HEMK2: variants seen among roughly 807,000 people sequenced by gnomAD.
HEMK2 encodes the protein HemK methyltransferase 2, ETF1 glutamine and histone H4 lysine, also known as methyltransferase HEMK2.
chr21:28,786,880 C>A, the HEMK2 span, among the ~76,000 whole-genome samples: 1 of 152,096 alleles, frequency 6.6e-6, no homozygotes, highest in African/African-American at 2.4e-5. Context: ...TCAATGCAAT[C>A]TCCATCAAAA....
chr21:28,841,370 A>ATATTATATATAATATAT, the HEMK2 span, among the ~76,000 whole-genome samples: 3 of 33,146 alleles, frequency 9.1e-5, no homozygotes, highest in African/African-American at 5.4e-4. Flanking sequence ...TATTATATAA[A>ATATTATATATAATATAT]ATATTATATA....
the HEMK2 span, among the ~76,000 whole-genome samples, chr21:28,589,590 G>A: frequency 6.6e-6 from 1 of 152,088 alleles, no homozygotes; most frequent in Non-Finnish European, 1.5e-5. Context: ...AAGGACAGTG[G>A]ACAGTGGGAG....
At chr21:28,682,766 A>G in the HEMK2 span, among the ~76,000 whole-genome samples, 3 of 152,048 alleles carry the variant, frequency 2.0e-5, no homozygotes, top group African/African-American at 7.2e-5. Context: ...CATGGATGAA[A>G]CTGGAAACCA....
chr21:28,811,873 A>G, the HEMK2 span, among the ~76,000 whole-genome samples: 2 of 152,178 alleles, frequency 1.3e-5, no homozygotes, highest in Non-Finnish European at 2.9e-5. Context: ...CTGTGAATAT[A>G]TTGCTTAGCC....
chr21:28,803,966 G>C, the HEMK2 span, among the ~76,000 whole-genome samples: 2 of 152,210 alleles, frequency 1.3e-5, no homozygotes. Flanking sequence ...TACAGTTGCA[G>C]TTATCAACAC....
the HEMK2 span, among the ~76,000 whole-genome samples, chr21:28,809,339 C>T: frequency 6.6e-6 from 1 of 152,098 alleles, no homozygotes; most frequent in South Asian, 2.1e-4. Flanking sequence ...AACAGAAGGT[C>T]TCAAATGATC....
the HEMK2 span, among the ~76,000 whole-genome samples, chr21:28,726,446 T>A: frequency 6.6e-6 from 1 of 152,216 alleles, no homozygotes; most frequent in East Asian, 1.9e-4. Context: ...AGACAGAGGT[T>A]AATATCAATG....
chr21:28,636,676 A>G, the HEMK2 span, among the ~76,000 whole-genome samples: 3 of 152,166 alleles, frequency 2.0e-5, no homozygotes, highest in East Asian at 5.8e-4. Flanking sequence ...TTTTGTCCGG[A>G]GTTAAATCAA....
the HEMK2 span, among the ~76,000 whole-genome samples, chr21:28,724,941 C>CT: frequency 1.5e-4 from 23 of 151,748 alleles, no homozygotes; most frequent in Non-Finnish European, 1.9e-4. Context: ...ACCACCATGC[C>CT]GGCTAATTTT....
chr21:28,740,251 C>T, the HEMK2 span, among the ~76,000 whole-genome samples: 221 of 152,338 alleles, frequency 1.5e-3, 1 homozygote, highest in African/African-American at 5.0e-3. Flanking sequence ...GCAGGTTTCT[C>T]TATTTACTTT....
chr21:28,803,305 T>G, the HEMK2 span, among the ~76,000 whole-genome samples: 27,269 of 152,158 alleles, frequency 0.18, 3,112 homozygotes, highest in East Asian at 0.41. Context: ...ACCTCAAGCT[T>G]TGGAGACTAA....
chr21:28,762,305 C>T, the HEMK2 span, among the ~76,000 whole-genome samples: 5 of 152,028 alleles, frequency 3.3e-5, no homozygotes, highest in African/African-American at 9.7e-5. Context: ...AGAACATACC[C>T]ATGGATATTT....
chr21:28,688,585 T>C, the HEMK2 span, among the ~76,000 whole-genome samples: 1 of 151,910 alleles, frequency 6.6e-6, no homozygotes, highest in African/African-American at 2.4e-5. Flanking sequence ...CATACTAGGT[T>C]CTCAATAAAT....
the HEMK2 span, among the ~76,000 whole-genome samples, chr21:28,784,192 G>A: frequency 3.7e-3 from 568 of 152,374 alleles, 5 homozygotes; most frequent in Admixed American, 0.01. Flanking sequence ...CCCGGTGTAG[G>A]ATCCACTAGG....
chr21:28,827,650 G>A, the HEMK2 span, among the ~76,000 whole-genome samples: 7 of 152,216 alleles, frequency 4.6e-5, no homozygotes, highest in Admixed American at 3.3e-4. Flanking sequence ...AGTGAACACA[G>A]ACAGTCCACT....
chr21:28,812,322 T>TA, the HEMK2 span, among the ~76,000 whole-genome samples: 1 of 152,194 alleles, frequency 6.6e-6, no homozygotes, highest in Admixed American at 6.6e-5. Flanking sequence ...ATTCCATCAA[T>TA]ACCTAGTTTA....
At chr21:28,850,570 A>G in the HEMK2 span, among the ~76,000 whole-genome samples, 1 of 152,206 alleles carries the variant, frequency 6.6e-6, no homozygotes, top group South Asian at 2.1e-4. Context: ...ACTAAGCTTC[A>G]TAAGTGAAGG....
At chr21:28,741,022 G>A in the HEMK2 span, among the ~76,000 whole-genome samples, 243 of 152,220 alleles carry the variant, frequency 1.6e-3, 2 homozygotes, top group African/African-American at 5.3e-3. Context: ...GTTGGTTTCT[G>A]TTTGGTTAAT....
the HEMK2 span, among the ~76,000 whole-genome samples, chr21:28,857,364 C>T: frequency 6.6e-6 from 1 of 152,010 alleles, no homozygotes; most frequent in African/African-American, 2.4e-5. Flanking sequence ...GTTCAATGAA[C>T]ATATACAAGA....
Sources: gnomAD v4.1 joint callset for allele counts (sites outside exome capture counted in the v4.1 genomes callset) on GRCh38, gnomAD v4.1.1 for gene constraint, MANE v1.5 for transcripts, NCBI Gene and HGNC (gene_info 2026-07-23, HGNC 2026-07-21) for gene names.